The following SUPT3H variants were observed in gnomAD, a reference collection of about 807,000 sequenced individuals.
The protein encoded by SUPT3H is SPT3 homolog, SAGA and STAGA complex component.
SUPT3H carries 44 observed loss-of-function variants against 44.3 expected under a neutral mutation model. The observed-to-expected ratio is 0.99, with a 90% CI of 0.78 to 1.28. The LOEUF (loss-of-function observed/expected upper bound fraction) is 1.28. Ranked by LOEUF, SUPT3H falls within the 50% of genes most tolerant of loss-of-function variation. SUPT3H has a pLI of 0.00. For missense variants in SUPT3H, 380 were observed against 387.1 expected (o/e 0.98, Z 0.15); for synonymous variants, 124 against 125.6 (o/e 0.99, Z 0.09).
intron 2 of SUPT3H, among the ~76,000 whole-genome samples, chr6:45,287,376 A>G (rs892151158): frequency 3.3e-5 from 5 of 152,224 alleles, no homozygotes; most frequent in African/African-American, 9.6e-5. Context: ...CCCTCAGCAG[A>G]TAAACTGATA....
chr6:44,963,345 A>T (rs1776319117), intron 6 of SUPT3H, among the ~76,000 whole-genome samples: 2 of 152,128 alleles, frequency 1.3e-5, no homozygotes, highest in South Asian at 4.1e-4. Flanking sequence ...TAAAAATACA[A>T]AAATTAGCTG....
intron 11 of SUPT3H, among the ~76,000 whole-genome samples, chr6:44,816,134 G>C (rs1766895505): frequency 6.6e-6 from 1 of 152,072 alleles, no homozygotes; most frequent in African/African-American, 2.4e-5. Flanking sequence ...ATGAGTCAAA[G>C]AGAAAATCAG....
intron 1 of SUPT3H, among the ~76,000 whole-genome samples, chr6:45,370,353 G>A (rs940681950): frequency 6.6e-6 from 1 of 152,088 alleles, no homozygotes; most frequent in East Asian, 1.9e-4. Context: ...TGGTTGAATG[G>A]TGGTGCCATT....
At chr6:45,299,109 G>A (rs1781736489) in intron 2 of SUPT3H, among the ~76,000 whole-genome samples, 1 of 151,960 alleles carries the variant, frequency 6.6e-6, no homozygotes, top group Non-Finnish European at 1.5e-5. Flanking sequence ...ACTTTGGGAG[G>A]CCAAGGCAGG....
At chr6:44,888,567 C>A (rs144896060) in intron 10 of SUPT3H, among the ~76,000 whole-genome samples, 12 of 151,930 alleles carry the variant, frequency 7.9e-5, no homozygotes, top group African/African-American at 2.7e-4. Flanking sequence ...ATTCAACAAC[C>A]CTTCATGCTA....
At chr6:45,270,586 C>T (rs1409529548) in intron 2 of SUPT3H, among the ~76,000 whole-genome samples, 5 of 152,206 alleles carry the variant, frequency 3.3e-5, no homozygotes, top group African/African-American at 9.6e-5. Flanking sequence ...TCCTCAGCCA[C>T]GTGGAACTGT....
At chr6:45,067,384 C>A (rs4613821) in intron 3 of SUPT3H, among the ~76,000 whole-genome samples, 115,618 of 118,358 alleles carry the variant, frequency 0.98, 56,692 homozygotes, top group Middle Eastern at 1. Flanking sequence ...AGGCATTACC[C>A]TTCAGGACAT....
intron 9 of SUPT3H, 122 bp from the exon 10 acceptor site, chr6:44,932,885 T>G: frequency 2.0e-6 from 1 of 489,214 alleles, no homozygotes; most frequent in Non-Finnish European, 3.5e-6. Context: ...TGCACATCAC[T>G]ACTGCCATAT....
At chr6:45,046,594 G>T (rs561271215) in intron 3 of SUPT3H, among the ~76,000 whole-genome samples, 1 of 152,312 alleles carries the variant, frequency 6.6e-6, no homozygotes, top group South Asian at 2.1e-4. Flanking sequence ...GCCTCCTAAA[G>T]TGCTGGGATT....
intron 5 of SUPT3H, among the ~76,000 whole-genome samples, chr6:45,011,270 A>G (rs1176332698): frequency 6.6e-6 from 1 of 152,000 alleles, no homozygotes; most frequent in Non-Finnish European, 1.5e-5. Context: ...TTCTTTAAAC[A>G]TTTGGTGGAA....
At chr6:44,966,503 T>G (rs1776798282) in intron 6 of SUPT3H, among the ~76,000 whole-genome samples, 1 of 151,764 alleles carries the variant, frequency 6.6e-6, no homozygotes, top group Admixed American at 6.6e-5. Flanking sequence ...ATTTTACAAA[T>G]GAAGACACTG....
chr6:45,093,941 AAGC>A (rs1167325611), intron 3 of SUPT3H, among the ~76,000 whole-genome samples: 1 of 152,148 alleles, frequency 6.6e-6, no homozygotes, highest in Non-Finnish European at 1.5e-5. Flanking sequence ...AGAGTAGTGA[AAGC>A]AGCCACATAG....
intron 2 of SUPT3H, among the ~76,000 whole-genome samples, chr6:45,122,245 A>C (rs1801786923): frequency 6.6e-6 from 1 of 152,158 alleles, no homozygotes; most frequent in African/African-American, 2.4e-5. Context: ...AGGGAGTGGA[A>C]AAGTAACAAG....
intron 6 of SUPT3H, 46 bp downstream of exon 6, chr6:45,003,607 T>A: frequency 1.3e-6 from 2 of 1,598,974 alleles, no homozygotes; most frequent in African/African-American, 1.3e-5. Context: ...GCATAGGCAC[T>A]GCAATGATTG....
downstream of SUPT3H, among the ~76,000 whole-genome samples, chr6:44,825,654 C>T (rs1767687186): frequency 6.6e-6 from 1 of 151,972 alleles, no homozygotes; most frequent in Non-Finnish European, 1.5e-5. Context: ...CACAGGGTAG[C>T]ACATGGTGTG....
chr6:45,122,576 C>T (rs989471872), intron 2 of SUPT3H, among the ~76,000 whole-genome samples: 13 of 151,948 alleles, frequency 8.6e-5, no homozygotes, highest in African/African-American at 3.1e-4. Context: ...AACTTTATTC[C>T]AATGACTTCA....
At chr6:44,946,512 T>C (rs921015533) in intron 9 of SUPT3H, among the ~76,000 whole-genome samples, 1 of 152,166 alleles carries the variant, frequency 6.6e-6, no homozygotes, top group Non-Finnish European at 1.5e-5. Flanking sequence ...AAGAAGCTGA[T>C]TCCAGCTATC....
chr6:44,816,546 A>T (rs1766924783), intron 11 of SUPT3H, among the ~76,000 whole-genome samples: 1 of 148,884 alleles, frequency 6.7e-6, no homozygotes, highest in African/African-American at 2.5e-5. Context: ...CTCCCTGGTG[A>T]ATTCTACGGA....
chr6:45,299,402 A>C (rs912328411), intron 2 of SUPT3H, among the ~76,000 whole-genome samples: 6 of 152,166 alleles, frequency 3.9e-5, no homozygotes, highest in Admixed American at 6.5e-5. Flanking sequence ...AAACAAAAGC[A>C]GTAATATAAG....
Sources: allele counts gnomAD v4.1 joint callset (sites outside exome capture counted in the v4.1 genomes callset), GRCh38; gene constraint gnomAD v4.1.1; transcripts MANE v1.5; gene names NCBI Gene and HGNC (gene_info 2026-07-23, HGNC 2026-07-21).